GRK5: variants seen among roughly 807,000 people sequenced by gnomAD.
GRK5 encodes the protein g protein-coupled receptor kinase GRK5.
GRK5 carries 40 observed loss-of-function variants against 78.4 expected under a neutral mutation model. The observed-to-expected ratio is 0.51, with a 90% CI of 0.40 to 0.66. GRK5 has a LOEUF of 0.66. GRK5 is among the 30% of genes least tolerant of loss of function. GRK5 has a pLI of 0.00. For missense variants in GRK5, 598 were observed against 759.9 expected, an observed-to-expected ratio of 0.79 and a Z score of 2.50; for synonymous variants, 289 against 296.8, an observed-to-expected ratio of 0.97 and a Z score of 0.27.
chr10:119,379,552 AG>A lies in GRK5; in HGVS notation c.149-1261del, dbSNP rs200741228. 0.012 allele frequency among the ~76,000 whole-genome samples: 1,854 copies of A among 152,320 alleles called. 39 individuals carry two copies. Among genetic ancestry groups the A allele is most frequent in the Admixed American group, 0.052 (792 of 15,300 alleles). ...GATGGTGTCTTAGCTCCTCTACACCAGGTAGACTATAGTCATCCCTTCCCTG... is the reference window on the plus strand; with the variant it reads ...GATGGTGTCTTAGCTCCTCTACACCAGTAGACTATAGTCATCCCTTCCCTG... On this transcript the variant is annotated intron_variant, in intron 2 of 15. Coordinates refer to ENST00000392870, the MANE Select transcript of GRK5 (RefSeq NM_005308.3). This position sits in a 1 kb window ranked among gnomAD's most constrained non-coding sequence, Gnocchi z 4.1.
intron 2 of GRK5, among the ~76,000 whole-genome samples, chr10:119,365,326 G>C (rs1310282451): frequency 2.0e-5 from 3 of 152,250 alleles, no homozygotes; most frequent in African/African-American, 7.2e-5. Flanking sequence ...CATGAGGCAT[G>C]TTGCTTTTTT....
At chr10:119,356,309 G>A (rs997563050) in intron 2 of GRK5, among the ~76,000 whole-genome samples, 21 of 152,234 alleles carry the variant, frequency 1.4e-4, no homozygotes, top group African/African-American at 4.8e-4. Flanking sequence ...CAGTTCATTT[G>A]CTTAGACCTT....
chr10:119,228,777 G>C (rs190429759), intron 1 of GRK5, among the ~76,000 whole-genome samples: 3 of 152,270 alleles, frequency 2.0e-5, no homozygotes, highest in African/African-American at 7.2e-5. Flanking sequence ...TTTTTGGGGA[G>C]GGGGTGACAA....
At chr10:119,245,720 C>T (rs1849096290) in intron 1 of GRK5, among the ~76,000 whole-genome samples, 1 of 151,982 alleles carries the variant, frequency 6.6e-6, no homozygotes, top group Non-Finnish European at 1.5e-5. Flanking sequence ...ATACTGTGCA[C>T]TTAAAAATTT....
intron 1 of GRK5, among the ~76,000 whole-genome samples, chr10:119,265,372 A>G (rs1434548939): frequency 1.3e-5 from 2 of 152,150 alleles, no homozygotes; most frequent in African/African-American, 2.4e-5. Context: ...TTGTGCCCAC[A>G]CAATTCATTT....
intron 2 of GRK5, among the ~76,000 whole-genome samples, chr10:119,347,347 G>A (rs1346551074): frequency 1.3e-5 from 2 of 152,182 alleles, no homozygotes; most frequent in Admixed American, 6.5e-5. Flanking sequence ...GTGCATGTGT[G>A]TGCGTGTGTG....
At chr10:119,416,423 A>G (rs986766179) in intron 4 of GRK5, among the ~76,000 whole-genome samples, 3 of 152,186 alleles carry the variant, frequency 2.0e-5, no homozygotes, top group Non-Finnish European at 1.5e-5. Context: ...CTTATTTCCC[A>G]TGATCTTCAC....
intron 2 of GRK5, among the ~76,000 whole-genome samples, chr10:119,344,026 A>G (rs1162931522): frequency 1.3e-5 from 2 of 151,846 alleles, no homozygotes; most frequent in Non-Finnish European, 2.9e-5. Context: ...GAGCGGCTGG[A>G]GCTTCTCTCT....
chr10:119,281,359 C>T (rs1849759621), intron 1 of GRK5, among the ~76,000 whole-genome samples: 1 of 152,128 alleles, frequency 6.6e-6, no homozygotes, highest in African/African-American at 2.4e-5. Context: ...CCCCCTAACC[C>T]TACTTTACTA....
At chr10:119,333,916 C>T (rs541483548) in intron 2 of GRK5, 10 of 506,732 alleles carry the variant, frequency 2.0e-5, no homozygotes, top group Non-Finnish European at 3.6e-5. Context: ...AGATCTATCC[C>T]CACTTCCCTG....
At chr10:119,342,519 G>A (rs548003264) in intron 2 of GRK5, among the ~76,000 whole-genome samples, 2 of 152,344 alleles carry the variant, frequency 1.3e-5, no homozygotes, top group South Asian at 4.1e-4. Flanking sequence ...CCTGCAGCAA[G>A]TGCTCATGCA....
At chr10:119,419,205 G>A (rs1355537478) in intron 4 of GRK5, among the ~76,000 whole-genome samples, 3 of 152,320 alleles carry the variant, frequency 2.0e-5, no homozygotes, top group South Asian at 2.1e-4. Context: ...GATGGATCCC[G>A]GTGCTGAGCT....
At chr10:119,274,987 G>A (rs1291117245) in intron 1 of GRK5, among the ~76,000 whole-genome samples, 1 of 152,184 alleles carries the variant, frequency 6.6e-6, no homozygotes, top group African/African-American at 2.4e-5. Flanking sequence ...TTATGGTTTA[G>A]CCACAAGCTA....
chr10:119,309,949 C>A (rs1490927538), intron 1 of GRK5, among the ~76,000 whole-genome samples: 1 of 152,170 alleles, frequency 6.6e-6, no homozygotes, highest in Non-Finnish European at 1.5e-5. Context: ...AACAAATCTA[C>A]TTTACTGTAG....
intron 1 of GRK5, among the ~76,000 whole-genome samples, chr10:119,290,359 A>AAAAAAAAAAAAAACAAAAC (rs1554903184): frequency 7.0e-6 from 1 of 142,476 alleles, no homozygotes; most frequent in African/African-American, 2.7e-5. Flanking sequence ...AAAAAAAAAA[A>AAAAAAAAAAAAAACAAAAC]AAAACAAAAA....
At chr10:119,225,504 G>A (rs957478514) in intron 1 of GRK5, among the ~76,000 whole-genome samples, 7 of 152,088 alleles carry the variant, frequency 4.6e-5, no homozygotes, top group Admixed American at 3.3e-4. Flanking sequence ...GTTGGGAGGG[G>A]AATGGGCCCT....
chr10:119,350,605 A>C (rs1203001753), intron 2 of GRK5, among the ~76,000 whole-genome samples: 5 of 152,140 alleles, frequency 3.3e-5, no homozygotes, highest in African/African-American at 4.8e-5. Context: ...AAGTGGTGCA[A>C]CCCTCTTTCA....
chr10:119,378,307 G>T lies in GRK5; in HGVS notation c.149-2508G>T, dbSNP rs1245900548. On this transcript the variant is annotated intron_variant, in intron 2 of 15. Coordinates refer to ENST00000392870, the MANE Select transcript of GRK5 (RefSeq NM_005308.3). This position sits in a 1 kb window ranked among gnomAD's most constrained non-coding sequence, Gnocchi z 4.5. ...AGCGGTGGAGACTGCGCCCACGGCT[G>T]AAGGGCAGAGTTTAGGCTGCAGTCC... Among the ~76,000 whole-genome samples the T allele has an allele frequency of 6.6e-6, 1 of 152,220 alleles. No individual in the cohort carries two copies. Among genetic ancestry groups the T allele is most frequent in the Non-Finnish European group, 1.5e-5 (1 of 68,048 alleles).
chr10:119,366,235 G>A (rs1240096603), intron 2 of GRK5, among the ~76,000 whole-genome samples: 1 of 152,204 alleles, frequency 6.6e-6, no homozygotes, highest in Non-Finnish European at 1.5e-5. Flanking sequence ...TTTGACAAAA[G>A]GAGTGTAAAC....
Sources: gnomAD v4.1 joint callset for allele counts (sites outside exome capture counted in the v4.1 genomes callset) on GRCh38, gnomAD v4.1.1 for gene constraint, Gnocchi (gnomAD v3.1) non-coding constraint, MANE v1.5 for transcripts, NCBI Gene and HGNC (gene_info 2026-07-23, HGNC 2026-07-21) for gene names.